The following BMAL2 variants were observed in gnomAD, a reference collection of about 807,000 sequenced individuals.
The protein encoded by BMAL2 is basic helix-loop-helix ARNT like 2.
chr12:27,406,152 A>C, the BMAL2 span, among the ~76,000 whole-genome samples: 1,870 of 152,352 alleles, frequency 0.012, 14 homozygotes, highest in South Asian at 0.03. Context: ...GGATGGAACC[A>C]AGTTGGAAAA....
the BMAL2 span, chr12:27,368,218 T>C: frequency 6.2e-7 from 1 of 1,603,434 alleles, no homozygotes; most frequent in Admixed American, 1.7e-5. Flanking sequence ...AAAGTAAAAG[T>C]TAATGTTTAA....
At chr12:27,392,688 A>T in the BMAL2 span, among the ~76,000 whole-genome samples, 2 of 152,212 alleles carry the variant, frequency 1.3e-5, no homozygotes, top group African/African-American at 4.8e-5. Flanking sequence ...AGAGGAAAAC[A>T]TGACAGCCAA....
chr12:27,360,543 G>A, the BMAL2 span, among the ~76,000 whole-genome samples: 1 of 151,904 alleles, frequency 6.6e-6, no homozygotes, highest in Non-Finnish European at 1.5e-5. Flanking sequence ...AGATAAAAAG[G>A]TTAACAGCTT....
the BMAL2 span, among the ~76,000 whole-genome samples, chr12:27,407,117 G>C: frequency 6.6e-6 from 1 of 150,900 alleles, no homozygotes; most frequent in African/African-American, 2.4e-5. Flanking sequence ...CCTACAAAGA[G>C]ACTTAGACCC....
the BMAL2 span, among the ~76,000 whole-genome samples, chr12:27,410,756 A>T: frequency 6.6e-6 from 1 of 152,132 alleles, no homozygotes; most frequent in African/African-American, 2.4e-5. Context: ...AAAAAAAATA[A>T]TAATTTTTAA....
chr12:27,382,533 G>A, the BMAL2 span, among the ~76,000 whole-genome samples: 1 of 152,190 alleles, frequency 6.6e-6, no homozygotes, highest in Non-Finnish European at 1.5e-5. Flanking sequence ...CCTTGGAACA[G>A]GGCGTAGATT....
chr12:27,363,103 C>T, the BMAL2 span, among the ~76,000 whole-genome samples: 1 of 152,178 alleles, frequency 6.6e-6, no homozygotes, highest in Non-Finnish European at 1.5e-5. Context: ...AGCCACTGCA[C>T]CTGGCCAGCA....
At chr12:27,342,507 T>G in the BMAL2 span, among the ~76,000 whole-genome samples, 10,388 of 152,290 alleles carry the variant, frequency 0.068, 474 homozygotes, top group Non-Finnish European at 0.1. Context: ...ATTGAATACT[T>G]GACAGAGGGC....
the BMAL2 span, among the ~76,000 whole-genome samples, chr12:27,334,856 G>C: frequency 0.95 from 144,842 of 152,352 alleles, 68,882 homozygotes; most frequent in East Asian, 1. Context: ...TTACAACAGC[G>C]TTGTGAGGTA....
chr12:27,418,142 G>T, the BMAL2 span: 1 of 1,613,346 alleles, frequency 6.2e-7, no homozygotes, highest in Non-Finnish European at 8.5e-7. Flanking sequence ...GGAGCTAGAG[G>T]CTACCAGGCA....
chr12:27,396,518 A>G, the BMAL2 span, among the ~76,000 whole-genome samples: 1 of 152,170 alleles, frequency 6.6e-6, no homozygotes, highest in Non-Finnish European at 1.5e-5. Flanking sequence ...GCCACCTACT[A>G]GAGTTGCTTC....
chr12:27,341,670 C>T, the BMAL2 span, among the ~76,000 whole-genome samples: 1 of 152,210 alleles, frequency 6.6e-6, no homozygotes. Flanking sequence ...ATCCCCATCA[C>T]TCTGTGCCCT....
the BMAL2 span, among the ~76,000 whole-genome samples, chr12:27,418,977 T>TAAA: frequency 1.8e-3 from 270 of 147,594 alleles, 2 homozygotes; most frequent in East Asian, 0.019. Context: ...AGACTCCATC[T>TAAA]AAAAAAAAAA....
At chr12:27,391,187 C>T in the BMAL2 span, among the ~76,000 whole-genome samples, 1 of 152,038 alleles carries the variant, frequency 6.6e-6, no homozygotes, top group African/African-American at 2.4e-5. Context: ...CCCACACGCC[C>T]TTCCCTCCCT....
chr12:27,336,464 G>T, the BMAL2 span, among the ~76,000 whole-genome samples: 1 of 152,114 alleles, frequency 6.6e-6, no homozygotes, highest in Non-Finnish European at 1.5e-5. Flanking sequence ...TATGTTCTCT[G>T]TAGTAGCGTG....
At chr12:27,343,926 T>C in the BMAL2 span, among the ~76,000 whole-genome samples, 2 of 152,248 alleles carry the variant, frequency 1.3e-5, no homozygotes, top group African/African-American at 4.8e-5. Context: ...TTCTCCTCCC[T>C]CTTTGCCCTG....
chr12:27,423,886 C>T, the BMAL2 span: 1 of 152,132 alleles, frequency 6.6e-6, no homozygotes, highest in Admixed American at 6.5e-5. Flanking sequence ...CTGTCCAGTG[C>T]AGTAGCCACT....
chr12:27,364,784 C>A, the BMAL2 span, among the ~76,000 whole-genome samples: 1 of 152,094 alleles, frequency 6.6e-6, no homozygotes, highest in East Asian at 1.9e-4. Context: ...CCTGGCATAT[C>A]TTTCCATTTG....
the BMAL2 span, among the ~76,000 whole-genome samples, chr12:27,346,813 GTGTTGA>G: frequency 7.9e-5 from 12 of 152,298 alleles, no homozygotes; most frequent in African/African-American, 2.9e-4. Context: ...TTGATCTCCA[GTGTTGA>G]AGGTGGGGCC....
Sources: allele counts gnomAD v4.1 joint callset (sites outside exome capture counted in the v4.1 genomes callset), GRCh38; gene constraint gnomAD v4.1.1; transcripts MANE v1.5; gene names NCBI Gene and HGNC (gene_info 2026-07-23, HGNC 2026-07-21).